C17orf67: variants seen among roughly 807,000 people sequenced by gnomAD.
C17orf67 encodes the protein chromosome 17 open reading frame 67, also known as uncharacterized protein C17orf67.
Under a neutral mutation model 11.2 loss-of-function variants are expected in C17orf67, and 12 were observed. The observed-to-expected ratio is 1.07, with a 90% CI of 0.68 to 1.73. C17orf67 has a LOEUF of 1.73. Ranked by LOEUF, C17orf67 falls within the 40% of genes most tolerant of loss-of-function variation. C17orf67 has a pLI of 0.00. For synonymous variants in C17orf67, 59 were observed against 46.9 expected (o/e 1.26, Z -1.05); for missense variants, 115 against 113.5 (o/e 1.01, Z -0.06).
chr17:56,811,917 A>G (rs886351257), intron 6 of C17orf67, among the ~76,000 whole-genome samples: 1 of 152,220 alleles, frequency 6.6e-6, no homozygotes, highest in Non-Finnish European at 1.5e-5. Flanking sequence ...CAGATGGCCT[A>G]GCCCAGTGGT....
At chr17:56,796,682 G>A (rs760359326) in intron 6 of C17orf67, among the ~76,000 whole-genome samples, 23 of 152,104 alleles carry the variant, frequency 1.5e-4, no homozygotes, top group Non-Finnish European at 2.5e-4. Context: ...GCTATCTCCG[G>A]AATAGTTCTC....
At chr17:56,803,284 T>C (rs1221137905) in intron 6 of C17orf67, among the ~76,000 whole-genome samples, 2 of 152,222 alleles carry the variant, frequency 1.3e-5, no homozygotes, top group African/African-American at 2.4e-5. Context: ...AGAAAAACAA[T>C]TTACAGTATT....
rs1905191039 is a variant in C17orf67 at position 56,795,246 on chromosome 17, G to T, written c.157-66C>A. 2.9e-5 allele frequency: 42 copies of T among 1,435,928 alleles called. 1 individual carries two copies. The South Asian group carries it at 4.6e-4, about 16-fold the overall frequency. The allele number at this position is 1,435,928 out of a possible 1,614,324, so 88.9% of individuals were successfully genotyped here. The stretch of plus-strand genomic sequence containing the variant: ...TGACAGCCAAGGGATCAATATGCGT[G>T]GTGTGGCTCTGGCTCCCTAGACAGG... On this transcript the variant is annotated intron_variant, in intron 6 of 7. Coordinates refer to ENST00000397861, the MANE Select transcript of C17orf67 (RefSeq NM_001085430.4).
chr17:56,821,819 G>T (rs1905911547), intron 4 of C17orf67, among the ~76,000 whole-genome samples: 1 of 152,100 alleles, frequency 6.6e-6, no homozygotes, highest in Admixed American at 6.5e-5. Context: ...TCTTGACTTT[G>T]GACTCAACCA....
intron 4 of C17orf67, among the ~76,000 whole-genome samples, chr17:56,822,974 A>G (rs748538359): frequency 1.3e-5 from 2 of 152,248 alleles, no homozygotes; most frequent in Non-Finnish European, 2.9e-5. Flanking sequence ...ATGTCTGCCC[A>G]GCAGGTGAGG....
chr17:56,814,949 C>CT lies in C17orf67; in HGVS notation c.75dup (p.Glu26ArgfsTer15). On this transcript the variant is annotated frameshift_variant, in exon 6 of 8. Coordinates refer to ENST00000397861, the MANE Select transcript of C17orf67 (RefSeq NM_001085430.4). LOFTEE classifies it high-confidence loss of function. ...CTTAGGAGCTGTTTGGCCTGCTTCT[C>CT]TGTCAAAATCGGGGAGGTCTCTGGA... 1 of 1,614,108 alleles carries CT rather than the reference C, an allele frequency of 6.2e-7. No homozygotes were observed. The highest frequency in any genetic ancestry group is 1.7e-5 in the Admixed American group (1 of 60,026).
At chr17:56,798,222 G>A (rs1905248894) in intron 6 of C17orf67, among the ~76,000 whole-genome samples, 1 of 152,132 alleles carries the variant, frequency 6.6e-6, no homozygotes. Flanking sequence ...CAGCCCTGGG[G>A]CTAGACCCCT....
In C17orf67 at chr17:56,795,071, G is replaced by A. The variant is rs779443216; in HGVS notation, c.266C>T (p.Pro89Leu). 3.9e-5 allele frequency: 63 copies of A among 1,613,662 alleles called. No individual in the cohort carries two copies. The highest frequency in any genetic ancestry group is 5.3e-5 in the Non-Finnish European group (63 of 1,179,778). ...AGGCTGGTCCTGATCCCCTTACACAGGATGAATCCTGTTCCTGTCACAGTG... is the reference window on the plus strand; with the variant it reads ...AGGCTGGTCCTGATCCCCTTACACAAGATGAATCCTGTTCCTGTCACAGTG... ...KPHCDRNRIHPV is the reference protein window; with the variant it reads ...KPHCDRNRIHLV Residue 89 changes from proline (P) to leucine (L), a missense_variant, in exon 7 of 8, where the codon CCT (proline) becomes CTT (leucine). By Grantham distance (98) the Pro-to-Leu change is moderately conservative (BLOSUM62 -3). Transcript: ENST00000397861.
rs565028698 is a variant in C17orf67 at position 56,809,894 on chromosome 17, C to T, written c.156+4975G>A. Among the ~76,000 whole-genome samples the T allele has an allele frequency of 3.5e-5, 5 of 143,578 alleles. No individual in the cohort carries two copies. In the East Asian group the frequency reaches 9.0e-4, roughly 26 times the overall value. 94.2% of individuals were successfully genotyped at this position (143,578 alleles called of 152,430 possible). On this transcript the variant is annotated intron_variant, in intron 6 of 7. Transcript: ENST00000397861. ...CTTCACACACCTCTCACACACACCC[C>T]TTACACACACCCTTACACACACCCT...
chr17:56,808,360 G>C (rs1311943804), intron 6 of C17orf67, among the ~76,000 whole-genome samples: 3 of 152,152 alleles, frequency 2.0e-5, no homozygotes, highest in South Asian at 4.1e-4. Context: ...CGTTATTCCT[G>C]CTGCTGGGAA....
chr17:56,828,471 T>C (rs1250076487), intron 2 of C17orf67, among the ~76,000 whole-genome samples: 1 of 152,170 alleles, frequency 6.6e-6, no homozygotes, highest in Non-Finnish European at 1.5e-5. Context: ...GAAATGCAAC[T>C]AGGAATCCGC....
chr17:56,808,637 T>C (rs1343191251), intron 6 of C17orf67, among the ~76,000 whole-genome samples: 2 of 152,108 alleles, frequency 1.3e-5, no homozygotes, highest in Admixed American at 1.3e-4. Flanking sequence ...ACTTTGTCCT[T>C]CCCACCACCA....
At chr17:56,806,151 T>C (rs1460237830) in intron 6 of C17orf67, among the ~76,000 whole-genome samples, 1 of 151,964 alleles carries the variant, frequency 6.6e-6, no homozygotes, top group African/African-American at 2.4e-5. Context: ...ATTTTTTGTA[T>C]TTTTAATAGA....
chr17:56,811,025 G>A (rs973471542), intron 6 of C17orf67, among the ~76,000 whole-genome samples: 6 of 152,176 alleles, frequency 3.9e-5, no homozygotes, highest in African/African-American at 1.4e-4. Context: ...CATGAGGTGA[G>A]GAGGCCTGTG....
intron 6 of C17orf67, among the ~76,000 whole-genome samples, chr17:56,806,348 A>C (rs1905452399): frequency 6.6e-6 from 1 of 152,160 alleles, no homozygotes; most frequent in South Asian, 2.1e-4. Context: ...GAAAGGTTTA[A>C]ATATTTTTAA....
chr17:56,829,225 G>A (rs188356633), intron 2 of C17orf67, among the ~76,000 whole-genome samples: 3 of 152,188 alleles, frequency 2.0e-5, no homozygotes, highest in Admixed American at 6.5e-5. Context: ...GCAGTGAGCT[G>A]AGATCGCACC....
intron 4 of C17orf67, among the ~76,000 whole-genome samples, chr17:56,818,156 TAA>T (rs952874915): frequency 4.3e-5 from 6 of 139,650 alleles, no homozygotes; most frequent in Admixed American, 7.2e-5. Context: ...TAGCATTATT[TAA>T]AAAAAAAAAA....
At chr17:56,822,903 C>T (rs781492410) in intron 4 of C17orf67, among the ~76,000 whole-genome samples, 1 of 152,188 alleles carries the variant, frequency 6.6e-6, no homozygotes, top group Non-Finnish European at 1.5e-5. Context: ...TTCCGGCCTG[C>T]TGCACGCCTC....
intron 2 of C17orf67, among the ~76,000 whole-genome samples, chr17:56,829,341 GAAGAA>G (rs1906129152): frequency 1.3e-5 from 2 of 152,108 alleles, no homozygotes; most frequent in African/African-American, 2.4e-5. Context: ...GAGGTTTAAA[GAAGAA>G]AAGAAAAAAG....
Sources: allele counts gnomAD v4.1 joint callset (sites outside exome capture counted in the v4.1 genomes callset), GRCh38; gene constraint gnomAD v4.1.1; transcripts MANE v1.5; gene names NCBI Gene and HGNC (gene_info 2026-07-23, HGNC 2026-07-21).